The following LARP1 variants were observed in gnomAD, a reference collection of about 807,000 sequenced individuals.
The protein encoded by LARP1 is La ribonucleoprotein 1, translational regulator.
In LARP1, 36 loss-of-function variants were observed where a neutral mutation model predicts 122.7. The observed-to-expected ratio is 0.29, with a 90% CI of 0.22 to 0.39. The LOEUF is 0.39. Ranked by LOEUF, LARP1 falls within the 10% of genes least tolerant of loss-of-function variation. The probability of loss-of-function intolerance (pLI) is 1.00; values close to 1 mark genes in which losing one functional copy is unlikely to be tolerated. For synonymous variants in LARP1, 539 were observed against 528.7 expected, an observed-to-expected ratio of 1.02 and a Z score of -0.27; for missense variants, 1,040 against 1,403.6, an observed-to-expected ratio of 0.74 and a Z score of 4.14.
At chr5:154,689,711 C>A (rs1239272151) in intron 1 of LARP1, among the ~76,000 whole-genome samples, 3 of 151,966 alleles carry the variant, frequency 2.0e-5, no homozygotes, top group Non-Finnish European at 4.4e-5. Context: ...AGATCTAATT[C>A]TGTTCATCTT....
intron 1 of LARP1, among the ~76,000 whole-genome samples, chr5:154,784,880 A>T (rs935432644): frequency 6.6e-6 from 1 of 152,182 alleles, no homozygotes; most frequent in Admixed American, 6.5e-5. Context: ...ACACTTTTAA[A>T]TCTTTTTATC....
intron 1 of LARP1, among the ~76,000 whole-genome samples, chr5:154,779,293 C>A (rs1756202847): frequency 6.6e-6 from 1 of 152,118 alleles, no homozygotes; most frequent in African/African-American, 2.4e-5. Flanking sequence ...TATCAAGTTA[C>A]AAGCTACATG....
intron 1 of LARP1, among the ~76,000 whole-genome samples, chr5:154,744,279 G>T (rs1235827544): frequency 6.6e-6 from 1 of 152,116 alleles, no homozygotes; most frequent in Admixed American, 6.6e-5. Flanking sequence ...CTCCAGGAAG[G>T]CTTCCCTGAC....
chr5:154,786,215 A>G (rs958823186), intron 1 of LARP1, among the ~76,000 whole-genome samples: 2 of 151,848 alleles, frequency 1.3e-5, no homozygotes, highest in Admixed American at 6.6e-5. Flanking sequence ...AATTTTTTGT[A>G]TTTTTAGTAT....
Position 154,811,336 on chromosome 5 carries a change from C to T in LARP1, c.2933C>T (p.Thr978Met), listed in dbSNP as rs758595303. 2 of 1,614,056 alleles carry T rather than the reference C, an allele frequency of 1.2e-6. No individual in the cohort carries two copies. The highest frequency in any genetic ancestry group is 1.7e-6 in the Non-Finnish European group (2 of 1,179,958). Reference protein sequence around the residue: ...LDIFKDFQEETVKDYEAGQLY... With the variant: ...LDIFKDFQEEMVKDYEAGQLY... Reference sequence around the variant, plus strand: ...ATATTCAAGGATTTTCAGGAGGAAACGGTGAAGGACTATGAAGCTGGTAAG... The same window carrying T: ...ATATTCAAGGATTTTCAGGAGGAAATGGTGAAGGACTATGAAGCTGGTAAG... The change falls in exon 17 of 19, where the codon ACG becomes ATG. Residue 978 changes from threonine (T) to methionine (M), a missense_variant. Thr to Met is a moderately conservative substitution (Grantham distance 81). Around this residue, in one of 8 missense-constraint regions of LARP1, gnomAD observed 129 missense variants for 160.8 expected, o/e 0.80. Transcript: ENST00000518297.
chr5:154,782,822 G>T (rs1406292463), intron 1 of LARP1, among the ~76,000 whole-genome samples: 1 of 152,196 alleles, frequency 6.6e-6, no homozygotes, highest in Admixed American at 6.5e-5. Flanking sequence ...AGCAGCAGCT[G>T]GTGACCAAGG....
At chr5:154,705,631 C>T (rs968835199) in intron 1 of LARP1, 2 of 152,146 alleles carry the variant, frequency 1.3e-5, no homozygotes, top group Non-Finnish European at 2.9e-5. Flanking sequence ...GCCTTGGCCT[C>T]CCAAAGTGCT....
chr5:154,724,855 T>C (rs1756099601), intron 1 of LARP1, among the ~76,000 whole-genome samples: 3 of 152,038 alleles, frequency 2.0e-5, no homozygotes, highest in Non-Finnish European at 2.9e-5. Flanking sequence ...TGTGTATAGA[T>C]GGGGTTTCGT....
intron 1 of LARP1, among the ~76,000 whole-genome samples, chr5:154,778,977 G>A (rs1756158059): frequency 1.3e-5 from 2 of 152,208 alleles, no homozygotes; most frequent in African/African-American, 2.4e-5. Context: ...ATTTAACAGA[G>A]TGTCCTGAAT....
chr5:154,694,584 A>G (rs1449883860), intron 1 of LARP1, among the ~76,000 whole-genome samples: 1 of 152,184 alleles, frequency 6.6e-6, no homozygotes, highest in Non-Finnish European at 1.5e-5. Context: ...CAATGGGGAA[A>G]TTTCACTATG....
intron 1 of LARP1, among the ~76,000 whole-genome samples, chr5:154,701,985 C>G (rs1021455018): frequency 6.6e-6 from 1 of 152,042 alleles, no homozygotes; most frequent in Non-Finnish European, 1.5e-5. Context: ...TGGACCTGAG[C>G]CTTTTTGTGA....
upstream of LARP1, among the ~76,000 whole-genome samples, chr5:154,753,256 TA>T (rs1753599564): frequency 6.6e-6 from 1 of 152,172 alleles, no homozygotes; most frequent in African/African-American, 2.4e-5. Flanking sequence ...CTAGAGTGAA[TA>T]ATCTCTTCAG....
chr5:154,715,603 C>T (rs546268974), intron 1 of LARP1, among the ~76,000 whole-genome samples: 9 of 152,134 alleles, frequency 5.9e-5, no homozygotes, highest in Admixed American at 2.0e-4. Context: ...GACTCCTAAA[C>T]GTTTTCCTTG....
Position 154,802,375 on chromosome 5 carries a change from T to G in LARP1, c.2085T>G (p.Phe695Leu). 1 of 1,607,636 alleles carries G rather than the reference T, an allele frequency of 6.2e-7. No homozygotes were observed. The highest frequency in any genetic ancestry group is 8.5e-7 in the Non-Finnish European group (1 of 1,176,452). ...YYEQDLWAEK[F>L]EPEYSQIKQE... ...AGCAGGACCTGTGGGCTGAAAAGTT[T>G]GAACCTGAGTATTCCCAGATCAAGG... The change falls in exon 11 of 19, where the codon TTT becomes TTG. Residue 695 changes from phenylalanine to leucine, a missense_variant. Physicochemically the swap from Phe to Leu is conservative, Grantham distance 22. This residue lies in a region of LARP1 where 362 missense variants were observed against 533.1 expected (regional missense o/e 0.68). Coordinates refer to ENST00000518297, the MANE Select transcript of LARP1 (RefSeq NM_033551.3). The surrounding 1 kb of genome is among the most constrained non-coding windows in gnomAD (Gnocchi z 5.1).
intron 1 of LARP1, among the ~76,000 whole-genome samples, chr5:154,693,629 G>A (rs940592964): frequency 6.6e-6 from 1 of 152,148 alleles, no homozygotes; most frequent in Non-Finnish European, 1.5e-5. Context: ...GCCGAGGCGG[G>A]CGGATCACGA....
intron 1 of LARP1, among the ~76,000 whole-genome samples, chr5:154,734,571 C>A (rs1756770366): frequency 6.6e-6 from 1 of 152,070 alleles, no homozygotes; most frequent in Non-Finnish European, 1.5e-5. Flanking sequence ...TCACACTGAA[C>A]AGGCTGTTTT....
At chr5:154,693,031 C>T (rs1400829835) in intron 1 of LARP1, among the ~76,000 whole-genome samples, 1 of 141,016 alleles carries the variant, frequency 7.1e-6, no homozygotes, top group African/African-American at 2.7e-5. Flanking sequence ...CATTATGTTG[C>T]CCCGGCTGTT....
chr5:154,703,454 C>T (rs1754814588), intron 1 of LARP1, among the ~76,000 whole-genome samples: 1 of 151,910 alleles, frequency 6.6e-6, no homozygotes, highest in African/African-American at 2.4e-5. Flanking sequence ...AATCTATGCT[C>T]ATTTATTCAT....
At chr5:154,771,266 C>T (rs1755405433) in intron 1 of LARP1, among the ~76,000 whole-genome samples, 1 of 152,144 alleles carries the variant, frequency 6.6e-6, no homozygotes, top group East Asian at 1.9e-4. Flanking sequence ...GCCCCAGGAA[C>T]CCAGGCCGGA....
Sources: gnomAD v4.1 joint callset for allele counts (sites outside exome capture counted in the v4.1 genomes callset) on GRCh38, gnomAD v4.1.1 for gene constraint, gnomAD v4.1.1 regional missense constraint, Gnocchi (gnomAD v3.1) non-coding constraint, MANE v1.5 for transcripts, NCBI Gene and HGNC (gene_info 2026-07-23, HGNC 2026-07-21) for gene names.